PDILT: variants seen among roughly 807,000 people sequenced by gnomAD.
The protein encoded by PDILT is protein disulfide-isomerase-like protein of the testis.
In PDILT, 43 loss-of-function variants were observed where a neutral mutation model predicts 53.7. That is an observed-to-expected ratio of 0.80 (90% confidence interval 0.63 to 1.03). The LOEUF (loss-of-function observed/expected upper bound fraction) is 1.03. Ranked by LOEUF, PDILT falls within the 50% of genes least tolerant of loss-of-function variation. The pLI is 0.00. For missense variants in PDILT, 727 were observed against 712.3 expected, an observed-to-expected ratio of 1.02 and a Z score of -0.24; for synonymous variants, 282 against 274.2, an observed-to-expected ratio of 1.03 and a Z score of -0.28.
At chr16:20,400,125 G>C (rs555262890) in intron 1 of PDILT, among the ~76,000 whole-genome samples, 1 of 151,032 alleles carries the variant, frequency 6.6e-6, no homozygotes, top group Admixed American at 6.6e-5. Context: ...GCAGTGGCAC[G>C]GTCTCACCTC....
chr16:20,386,946 C>T (rs1451406990), intron 2 of PDILT, among the ~76,000 whole-genome samples: 1 of 152,130 alleles, frequency 6.6e-6, no homozygotes, highest in African/African-American at 2.4e-5. Context: ...CAACCCAGTG[C>T]CCCTGGGTGT....
At chr16:20,399,999 C>T (rs1966709532) in intron 1 of PDILT, among the ~76,000 whole-genome samples, 1 of 150,600 alleles carries the variant, frequency 6.6e-6, no homozygotes, top group Admixed American at 6.7e-5. Context: ...TGTAAACATA[C>T]CTTTGAATAT....
At chr16:20,382,738 G>A (rs1966477653) in intron 3 of PDILT, among the ~76,000 whole-genome samples, 1 of 152,174 alleles carries the variant, frequency 6.6e-6, no homozygotes, top group Non-Finnish European at 1.5e-5. Context: ...GTGTAGAGGG[G>A]TAGATCTTTT....
intron 2 of PDILT, among the ~76,000 whole-genome samples, chr16:20,387,259 GGA>G (rs1966551796): frequency 6.6e-6 from 1 of 152,218 alleles, no homozygotes; most frequent in South Asian, 2.1e-4. Context: ...GAAAAGAACA[GGA>G]GAGTTGGAGG....
intron 7 of PDILT, 56 bp from the exon 8 acceptor site, chr16:20,369,745 C>A: frequency 2.5e-6 from 4 of 1,572,276 alleles, no homozygotes; most frequent in Non-Finnish European, 3.5e-6. Flanking sequence ...TGGAGAAAAA[C>A]TGCTGAAAGG....
At position 20,359,377 on chromosome 16, in the gene PDILT, GCCACCA is replaced by G; in HGVS notation, c.1691_1696del (p.Val564_Val565del). On this transcript the variant is annotated inframe_deletion, in exon 12 of 12. Coordinates refer to ENST00000302451, the MANE Select transcript of PDILT (RefSeq NM_174924.2). Reference sequence around the variant, plus strand: ...TTGCACTGGAGGTCCCTTTGGCTTAGCCACCACCACCACCACCTCCTCAGATGTTTT... The same window carrying G: ...TTGCACTGGAGGTCCCTTTGGCTTAGCCACCACCACCTCCTCAGATGTTTT... The G allele has an allele frequency of 6.2e-7, 1 of 1,614,032 alleles. No homozygotes were observed. The highest frequency in any genetic ancestry group is 8.5e-7 in the Non-Finnish European group (1 of 1,179,990).
rs566608055 is a variant in PDILT, at chr16:20,384,766, G to A, written c.288C>T (p.Ile96=). 3.0e-5 allele frequency: 49 copies of A among 1,614,058 alleles called. 1 individual carries two copies. The highest frequency in any genetic ancestry group is 1.2e-4 in the South Asian group (11 of 91,060). Residue 96 remains isoleucine, a synonymous_variant, in exon 3 of 12, where the codon ATC becomes ATT. Coordinates refer to ENST00000302451, the MANE Select transcript of PDILT (RefSeq NM_174924.2). ...TGGTAATGTCCACTTTGCCAAAGCCGATCCCATTCTTGCCTTTGCCCATGA... is the reference window on the plus strand; with the variant it reads ...TGGTAATGTCCACTTTGCCAAAGCCAATCCCATTCTTGCCTTTGCCCATGA... ...VEIMGKGKNG[I]GFGKVDITIE...
chr16:20,401,751 C>T (rs946599044), intron 1 of PDILT, among the ~76,000 whole-genome samples: 1 of 152,190 alleles, frequency 6.6e-6, no homozygotes, highest in African/African-American at 2.4e-5. Context: ...GCTCAGCCAC[C>T]GTGGAGGGCT....
At chr16:20,365,234 T>A (rs1440598913) in intron 9 of PDILT, among the ~76,000 whole-genome samples, 186 bp downstream of exon 9, 1 of 152,186 alleles carries the variant, frequency 6.6e-6, no homozygotes, top group Admixed American at 6.5e-5. Context: ...ATAATTACAT[T>A]TCTGGGGGAA....
At chr16:20,399,058 C>CA in intron 2 of PDILT, 41 bp downstream of exon 2, 1 of 1,610,006 alleles carries the variant, frequency 6.2e-7, no homozygotes, top group Non-Finnish European at 8.5e-7. Flanking sequence ...AGGCAGGCCT[C>CA]ATCCCATCTA....
chr16:20,372,907 C>T lies in PDILT; in HGVS notation c.813G>A (p.Glu271=). 1 of 1,614,072 alleles carries T rather than the reference C, an allele frequency of 6.2e-7. No homozygotes were observed. Among genetic ancestry groups the T allele is most frequent in the African/African-American group, 1.3e-5 (1 of 75,028 alleles). The change falls in exon 7 of 12, where the codon GAG becomes GAA. Residue 271 remains glutamate, a synonymous_variant. Transcript: ENST00000302451. ...YNTENKDLIS[E]LHIMSHMLLF... ...GCAGCATGTGACTCATGATGTGCAA[C>T]TCGGAAATCAGATCCTTATTCTGAA...
Position 20,399,102 on chromosome 16 carries a change from A to G in PDILT, c.199T>C (p.Phe67Leu), listed in dbSNP as rs1966696630. 1 of 1,614,020 alleles carries G rather than the reference A, an allele frequency of 6.2e-7. No individual in the cohort carries two copies. Among genetic ancestry groups the G allele is most frequent in the South Asian group, 1.1e-5 (1 of 91,078 alleles). ...LNQTRFLMVL[F>L]HNPSSKQSRN... ...CACCCAGGATGGGGGCACTCACGGA[A>G]AAGCACCATGAGGAAGCGGGTCTGG... Residue 67 changes from phenylalanine to leucine, a missense_variant, in exon 2 of 12, where the codon TTC (phenylalanine) becomes CTC (leucine). By Grantham distance (22) the Phe-to-Leu change is conservative (BLOSUM62 0). Transcript: ENST00000302451.
At chr16:20,363,071 C>CAAAAAA (rs1187383410) in intron 9 of PDILT, among the ~76,000 whole-genome samples, 8 of 93,536 alleles carry the variant, frequency 8.6e-5, no homozygotes, top group Non-Finnish European at 1.4e-4. Context: ...GACTCCATCT[C>CAAAAAA]AAAAAAAAAA....
At chr16:20,399,531 G>A (rs1966704303) in intron 1 of PDILT, among the ~76,000 whole-genome samples, 1 of 152,118 alleles carries the variant, frequency 6.6e-6, no homozygotes, top group African/African-American at 2.4e-5. Flanking sequence ...AAAGCAGCAA[G>A]AACCCACTGG....
chr16:20,397,626 G>A (rs1401119069), intron 2 of PDILT, among the ~76,000 whole-genome samples: 2 of 152,174 alleles, frequency 1.3e-5, no homozygotes, highest in African/African-American at 4.8e-5. Context: ...AAATAAAAGG[G>A]AGTCTGTAAA....
At position 20,369,602 on chromosome 16, in the gene PDILT, C is replaced by G. The variant is rs767670575; in HGVS notation, c.1006G>C (p.Val336Leu). Residue 336 changes from valine (V) to leucine (L), a missense_variant, in exon 8 of 12, where the codon GTC (valine) becomes CTC (leucine). Transcript: ENST00000302451. ...FRVTEVDIPS[V>L]QILNLSSDAR... is the part of the protein sequence containing the mutation. ...TCAGAGCTCAAGTTTAGGATTTGGA[C>G]GGATGGGATATCGACCTCTGTGACC... The G allele has an allele frequency of 6.2e-7, 1 of 1,614,178 alleles. No individual in the cohort carries two copies. The highest frequency in any genetic ancestry group is 8.5e-7 in the Non-Finnish European group (1 of 1,180,046).
intron 1 of PDILT, among the ~76,000 whole-genome samples, chr16:20,400,969 G>A (rs945103538): frequency 2.0e-5 from 3 of 152,152 alleles, no homozygotes; most frequent in African/African-American, 4.8e-5. Flanking sequence ...GGACTCAAAT[G>A]AAATCCATGA....
intron 2 of PDILT, among the ~76,000 whole-genome samples, chr16:20,393,656 A>G (rs1170323457): frequency 6.6e-6 from 1 of 152,228 alleles, no homozygotes; most frequent in Non-Finnish European, 1.5e-5. Context: ...GTATACCTCA[A>G]ATGAGAAGGA....
chr16:20,375,626 C>T (rs1966373692), intron 4 of PDILT, among the ~76,000 whole-genome samples: 1 of 152,216 alleles, frequency 6.6e-6, no homozygotes, highest in East Asian at 1.9e-4. Context: ...CCCCAAACAT[C>T]TCCTACTGCA....
Sources: allele counts gnomAD v4.1 joint callset (sites outside exome capture counted in the v4.1 genomes callset), GRCh38; gene constraint gnomAD v4.1.1; transcripts MANE v1.5; gene names NCBI Gene and HGNC (gene_info 2026-07-23, HGNC 2026-07-21).